CDK6: variants seen among roughly 807,000 people sequenced by gnomAD.
CDK6 encodes cyclin-dependent kinase 6.
Under a neutral mutation model 37.1 loss-of-function variants are expected in CDK6, and 6 were observed. The ratio of observed to expected loss-of-function variants is 0.16; its 90% CI spans 0.09 to 0.32. CDK6 has a LOEUF of 0.32. Among genes scored for constraint, CDK6 ranks in the 10% least tolerant of loss-of-function variants. The pLI is 1.00. For synonymous variants in CDK6, 160 were observed against 161.3 expected (o/e 0.99, Z 0.06); for missense variants, 224 against 418.9 (o/e 0.53, Z 4.06).
chr7:92,762,067 A>G (rs1018253887), intron 3 of CDK6, among the ~76,000 whole-genome samples: 16 of 152,240 alleles, frequency 1.1e-4, no homozygotes, highest in African/African-American at 3.9e-4. Flanking sequence ...TACTAAAGAT[A>G]TAAGTCAACT....
At chr7:92,626,713 T>C (rs1795935827) in intron 5 of CDK6, among the ~76,000 whole-genome samples, 1 of 151,918 alleles carries the variant, frequency 6.6e-6, no homozygotes, top group South Asian at 2.1e-4. Context: ...TGCAAAGACA[T>C]TTAGAAGAAG....
At chr7:92,814,505 T>C (rs1316158308) in intron 2 of CDK6, among the ~76,000 whole-genome samples, 1 of 150,882 alleles carries the variant, frequency 6.6e-6, no homozygotes, top group Non-Finnish European at 1.5e-5. Flanking sequence ...TAATAAGCAA[T>C]TCTTGGGCTG....
chr7:92,811,070 G>A (rs1029384014), intron 2 of CDK6, among the ~76,000 whole-genome samples: 6 of 152,008 alleles, frequency 3.9e-5, no homozygotes, highest in Non-Finnish European at 7.4e-5. Context: ...AAAAAAAAAG[G>A]CAATTATATA....
chr7:92,703,770 A>C (rs1797907083), intron 4 of CDK6, among the ~76,000 whole-genome samples: 1 of 152,144 alleles, frequency 6.6e-6, no homozygotes, highest in Non-Finnish European at 1.5e-5. Context: ...CTTGTGTCTT[A>C]TTATCAATTG....
intron 2 of CDK6, among the ~76,000 whole-genome samples, chr7:92,790,483 G>A (rs1435613875): frequency 4.6e-5 from 7 of 152,042 alleles, no homozygotes; most frequent in Non-Finnish European, 4.4e-5. Flanking sequence ...ACCAGCAAAC[G>A]TTTATTAAAT....
At chr7:92,684,496 C>T (rs893925113) in intron 4 of CDK6, among the ~76,000 whole-genome samples, 4 of 151,954 alleles carry the variant, frequency 2.6e-5, no homozygotes. Flanking sequence ...GGTTTGCCTA[C>T]CCACAATGTT....
At chr7:92,781,223 C>A (rs1799983417) in intron 2 of CDK6, among the ~76,000 whole-genome samples, 1 of 152,224 alleles carries the variant, frequency 6.6e-6, no homozygotes, top group Non-Finnish European at 1.5e-5. Context: ...GTTGGCCAAG[C>A]CCCTAACTCT....
chr7:92,699,173 T>A (rs1037567924), intron 4 of CDK6, among the ~76,000 whole-genome samples: 7 of 152,246 alleles, frequency 4.6e-5, no homozygotes, highest in African/African-American at 1.4e-4. Context: ...AAATTTTAAC[T>A]AATAACTTAG....
intron 5 of CDK6, among the ~76,000 whole-genome samples, chr7:92,665,895 C>T (rs1358768270): frequency 2.0e-5 from 3 of 152,210 alleles, no homozygotes; most frequent in South Asian, 4.1e-4. Flanking sequence ...GTTGTATGCC[C>T]ATGGGCAAGT....
At chr7:92,799,109 T>C (rs1026990456) in intron 2 of CDK6, among the ~76,000 whole-genome samples, 7 of 152,214 alleles carry the variant, frequency 4.6e-5, no homozygotes, top group African/African-American at 1.4e-4. Context: ...CTCTATCAGA[T>C]TGTCATTCTG....
At chr7:92,629,547 T>G (rs558273791) in intron 5 of CDK6, among the ~76,000 whole-genome samples, 1 of 152,262 alleles carries the variant, frequency 6.6e-6, no homozygotes, top group South Asian at 2.1e-4. Context: ...TTAATATATT[T>G]ACTGAGTCAA....
intron 4 of CDK6, among the ~76,000 whole-genome samples, chr7:92,688,360 C>T (rs576626088): frequency 6.6e-6 from 1 of 152,234 alleles, no homozygotes; most frequent in South Asian, 2.1e-4. Context: ...TATTAAAGCA[C>T]TAACTGGACT....
chr7:92,790,958 C>T (rs1309155800), intron 2 of CDK6, among the ~76,000 whole-genome samples: 1 of 152,010 alleles, frequency 6.6e-6, no homozygotes, highest in African/African-American at 2.4e-5. Context: ...GGAAAGTGGG[C>T]AACTATTTTT....
chr7:92,780,818 AAAAAAACCCC>A (rs1219611083), intron 2 of CDK6, among the ~76,000 whole-genome samples: 2 of 151,670 alleles, frequency 1.3e-5, no homozygotes, highest in African/African-American at 4.8e-5. Flanking sequence ...AAAAAAAACC[AAAAAAACCCC>A]AAAAAACTGG....
In CDK6 at chr7:92,670,005, A is replaced by G. The variant is rs1168533134; in HGVS notation, c.647+1421T>C. Among the ~76,000 whole-genome samples, 5 of 152,314 alleles carry G rather than the reference A, an allele frequency of 3.3e-5. No homozygotes were observed. In the East Asian group the frequency reaches 9.6e-4, roughly 29 times the overall value. ...AGGGACCATACTTTCAAAATCACTA[A>G]TTTAGCCTGTTTGGCAAACACTGCA... On this transcript the variant is annotated intron_variant, in intron 5 of 7. Coordinates refer to ENST00000424848, the MANE Select transcript of CDK6 (RefSeq NM_001145306.2).
intron 2 of CDK6, among the ~76,000 whole-genome samples, chr7:92,780,899 T>G (rs1799974789): frequency 6.6e-6 from 1 of 152,124 alleles, no homozygotes; most frequent in African/African-American, 2.4e-5. Flanking sequence ...TTCTAAAACC[T>G]TTTTTTAAAA....
At chr7:92,617,849 A>T (rs1003603984) in intron 7 of CDK6, among the ~76,000 whole-genome samples, 1 of 152,208 alleles carries the variant, frequency 6.6e-6, no homozygotes, top group South Asian at 2.1e-4. Flanking sequence ...TGGCAGATTT[A>T]AAAAAATGTG....
chr7:92,620,045 A>G (rs1387687781), intron 6 of CDK6, among the ~76,000 whole-genome samples: 3 of 152,168 alleles, frequency 2.0e-5, no homozygotes, highest in Non-Finnish European at 1.5e-5. Context: ...ATGTGTATCA[A>G]TATTTTTGTG....
intron 4 of CDK6, among the ~76,000 whole-genome samples, chr7:92,672,584 G>T (rs1439213740): frequency 2.0e-5 from 3 of 148,220 alleles, no homozygotes; most frequent in East Asian, 4.2e-4. Flanking sequence ...TGTTAAGGCT[G>T]CAGATTTGAG....
Sources: allele counts gnomAD v4.1 joint callset (sites outside exome capture counted in the v4.1 genomes callset), GRCh38; gene constraint gnomAD v4.1.1; transcripts MANE v1.5; gene names NCBI Gene and HGNC (gene_info 2026-07-23, HGNC 2026-07-21).